The following OR6J1 variants were observed in gnomAD, a reference collection of about 807,000 sequenced individuals.
OR6J1 encodes the protein olfactory receptor family 6 subfamily J member 1.
For synonymous variants in OR6J1, 109 were observed against 70.0 expected, an observed-to-expected ratio of 1.56 and a Z score of -2.78; for missense variants, 304 against 166.8, an observed-to-expected ratio of 1.82 and a Z score of -4.53.
intron 1 of OR6J1, among the ~76,000 whole-genome samples, chr14:22,636,010 C>T (rs774412968): frequency 3.3e-5 from 5 of 152,106 alleles, no homozygotes; most frequent in Admixed American, 2.0e-4. Context: ...AAATCACAAA[C>T]AGGAAGAACA....
At chr14:22,637,836 A>G (rs1594902493) in intron 1 of OR6J1, among the ~76,000 whole-genome samples, 1 of 38,622 alleles carries the variant, frequency 2.6e-5, no homozygotes, top group Non-Finnish European at 4.7e-5. Flanking sequence ...CTGCCCGGCC[A>G]GCCGCCCCGT....
intron 1 of OR6J1, among the ~76,000 whole-genome samples, chr14:22,635,111 C>G (rs1055750010): frequency 2.0e-5 from 3 of 152,142 alleles, no homozygotes; most frequent in Non-Finnish European, 4.4e-5. Flanking sequence ...TGTCAAAAAC[C>G]TTAAAATTAA....
rs549213048 is a variant in OR6J1 at position 22,641,994 on chromosome 14, G to A, written c.-28+2104C>T. Among the ~76,000 whole-genome samples, 5 of 152,014 alleles carry A rather than the reference G, an allele frequency of 3.3e-5. No homozygotes were observed. The East Asian group carries it at 5.8e-4, about 18-fold the overall frequency. ...ATATGGATTGGACTAGGAAAAACAA[G>A]AATAATCTAGTAAAGGAAGAGGACT... On this transcript the variant is annotated intron_variant, in intron 1 of 1. Coordinates refer to ENST00000540461, the MANE Select transcript of OR6J1 (RefSeq NM_001348233.2).
chr14:22,641,349 G>A (rs1425771974), intron 1 of OR6J1, among the ~76,000 whole-genome samples: 1 of 137,192 alleles, frequency 7.3e-6, no homozygotes, highest in East Asian at 2.1e-4. Context: ...AGGGAGGGAG[G>A]GAAGAAAGAA....
At chr14:22,637,086 G>A (rs1359750095) in intron 1 of OR6J1, among the ~76,000 whole-genome samples, 1 of 120,386 alleles carries the variant, frequency 8.3e-6, no homozygotes, top group Non-Finnish European at 1.6e-5. Flanking sequence ...GATGTGAGGA[G>A]CGCCTCTGCT....
At chr14:22,639,285 C>G (rs1250553058) in intron 1 of OR6J1, among the ~76,000 whole-genome samples, 2 of 127,878 alleles carry the variant, frequency 1.6e-5, no homozygotes, top group Non-Finnish European at 3.2e-5. Flanking sequence ...AGGTGAGGGG[C>G]GCCTCTGCCC....
chr14:22,638,039 G>GC lies in OR6J1; in HGVS notation c.-27-3202dup, dbSNP rs1395192308. ...GTCCGGGAGGATGGTGGGGGGGTCA[G>GC]CCCCCCGCCTGGCCAGCCGCCCCAT... On this transcript the variant is annotated intron_variant, in intron 1 of 1. Coordinates refer to ENST00000540461, the MANE Select transcript of OR6J1 (RefSeq NM_001348233.2). 1.8e-4 allele frequency among the ~76,000 whole-genome samples: 20 copies of GC among 108,244 alleles called. 2 individuals are homozygous for GC. Among genetic ancestry groups the GC allele is most frequent in the African/African-American group, 1.1e-3 (20 of 18,852 alleles). 71.0% of individuals were successfully genotyped at this position (108,244 alleles called of 152,430 possible).
At chr14:22,638,401 A>G (rs1294771720) in intron 1 of OR6J1, among the ~76,000 whole-genome samples, 1 of 70,970 alleles carries the variant, frequency 1.4e-5, no homozygotes, top group Non-Finnish European at 2.5e-5. Flanking sequence ...CTCAGGGTTA[A>G]ATGGATTAAG....
Position 22,634,133 on chromosome 14 carries a change from T to C in OR6J1, c.679A>G (p.Ile227Val), listed in dbSNP as rs757202512. ...TTCTTCCTTCCACTTGCAGAAGGAATGCGCACTATGGTCAAGATGATGTAC... is the reference window on the plus strand; with the variant it reads ...TTCTTCCTTCCACTTGCAGAAGGAACGCGCACTATGGTCAAGATGATGTAC... ...YTYIILTIVR[I>V]PSASGRKKAF... Residue 227 changes from isoleucine (I) to valine (V), a missense_variant, in exon 2 of 2, where the codon ATT (isoleucine) becomes GTT (valine). Transcript: ENST00000540461. The C allele has an allele frequency of 1.7e-5, 12 of 703,140 alleles. No homozygotes were observed. Among genetic ancestry groups the C allele is most frequent in the Admixed American group, 1.2e-4 (6 of 50,000 alleles). The allele number at this position is 703,140 out of a possible 1,614,324, so 43.6% of individuals were successfully genotyped here.
chr14:22,640,258 CAAGGAAGG>C (rs537492759), intron 1 of OR6J1, among the ~76,000 whole-genome samples: 122 of 79,604 alleles, frequency 1.5e-3, no homozygotes, highest in African/African-American at 5.1e-3. Context: ...AGGAAGGAAG[CAAGGAAGG>C]AAGGAAGGAA....
chr14:22,639,976 A>G (rs2037630503), intron 1 of OR6J1, among the ~76,000 whole-genome samples: 1 of 114,826 alleles, frequency 8.7e-6, no homozygotes, highest in African/African-American at 2.9e-5. Flanking sequence ...CCCAAGAATT[A>G]TCAATAAAAA....
At position 22,643,758 on chromosome 14, in the gene OR6J1, C is replaced by CAGAGAGAG. The variant is rs1235103171; in HGVS notation, c.-28+339_-28+340insCTCTCTCT. ...ACACACACACACACACACACACACA[C>CAGAGAGAG]ACACACAGAGAGAGAGAGAGAGAGA... On this transcript the variant is annotated intron_variant, in intron 1 of 1. Transcript: ENST00000540461. Among the ~76,000 whole-genome samples, 237 of 60,564 alleles carry CAGAGAGAG rather than the reference C, an allele frequency of 3.9e-3. 3 individuals carry two copies. Among genetic ancestry groups the CAGAGAGAG allele is most frequent in the East Asian group, 9.4e-3 (12 of 1,280 alleles). 39.7% of individuals were successfully genotyped at this position (60,564 alleles called of 152,430 possible). A position where few individuals can be genotyped will look rare whatever the true frequency, so the allele number is the denominator to read the frequency against.
chr14:22,639,250 C>G (rs1293244008), intron 1 of OR6J1, among the ~76,000 whole-genome samples: 1 of 126,486 alleles, frequency 7.9e-6, no homozygotes, highest in Non-Finnish European at 1.6e-5. Flanking sequence ...GTCAGCCCCC[C>G]GCCAGGCCAG....
Position 22,634,791 on chromosome 14 carries a change from C to T in OR6J1, c.21G>A (p.Ala7=), listed in dbSNP as rs780526863. 4.2e-5 allele frequency: 29 copies of T among 694,288 alleles called. 1 individual carries two copies. The highest frequency in any genetic ancestry group is 3.4e-4 in the South Asian group (22 of 65,664). 43.0% of individuals were successfully genotyped at this position (694,288 alleles called of 1,614,324 possible). Residue 7 remains alanine, a synonymous_variant, in exon 2 of 2, where the codon GCG becomes GCA. Transcript: ENST00000540461. MGNWTA[A]VTEFVLLGFS... ...ACCCCAGCAGAACAAACTCAGTCACCGCTGCAGTCCAGTTACCCATGGGCC... is the reference window on the plus strand; with the variant it reads ...ACCCCAGCAGAACAAACTCAGTCACTGCTGCAGTCCAGTTACCCATGGGCC...
chr14:22,634,655 G>A lies in OR6J1; in HGVS notation c.157C>T (p.Arg53Cys), dbSNP rs774906820. 1.7e-5 allele frequency: 13 copies of A among 743,670 alleles called. No individual in the cohort carries two copies. The highest frequency in any genetic ancestry group is 1.0e-4 in the East Asian group (4 of 40,074). The allele number at this position is 743,670 out of a possible 1,614,324, so 46.1% of individuals were successfully genotyped here. ...AAGAAGTACATGGGGGTGTGGAGGCGGGAGCAGGACAGCACAGTGGAGATG... is the reference window on the plus strand; with the variant it reads ...AAGAAGTACATGGGGGTGTGGAGGCAGGAGCAGGACAGCACAGTGGAGATG... ...LIISTVLSCS[R>C]LHTPMYFFLC... The change falls in exon 2 of 2, where the codon CGC (arginine) becomes TGC (cysteine). Residue 53 changes from arginine (R) to cysteine (C), a missense_variant. By Grantham distance (180) the Arg-to-Cys change is radical (BLOSUM62 -3). Coordinates refer to ENST00000540461, the MANE Select transcript of OR6J1 (RefSeq NM_001348233.2).
Position 22,640,483 on chromosome 14 carries a change from G to GTT in OR6J1, c.-28+3614_-28+3615insAA, listed in dbSNP as rs1457341102. On this transcript the variant is annotated intron_variant, in intron 1 of 1. Transcript: ENST00000540461. ...CTTCAGCTCAACCAACAGTGAGAAT[G>GTT]TATTTTTTTTTTTTTTTTTTTTTTG... Among the ~76,000 whole-genome samples, 400 of 132,538 alleles carry GTT rather than the reference G, an allele frequency of 3.0e-3. 13 individuals carry two copies. Among genetic ancestry groups the GTT allele is most frequent in the African/African-American group, 0.01 (329 of 32,668 alleles). 87.0% of individuals were successfully genotyped at this position (132,538 alleles called of 152,430 possible).
At chr14:22,641,282 A>AAGGAAGG in intron 1 of OR6J1, among the ~76,000 whole-genome samples, 2 of 73,794 alleles carry the variant, frequency 2.7e-5, no homozygotes, top group Admixed American at 2.6e-4. Flanking sequence ...AGGAAGGAAG[A>AAGGAAGG]AAGAGAAGAA....
At chr14:22,641,744 A>G (rs2037654721) in intron 1 of OR6J1, among the ~76,000 whole-genome samples, 1 of 152,188 alleles carries the variant, frequency 6.6e-6, no homozygotes, top group African/African-American at 2.4e-5. Flanking sequence ...CTTTCAGTCT[A>G]AAAGAGATGT....
intron 1 of OR6J1, among the ~76,000 whole-genome samples, chr14:22,635,443 A>G (rs1455821756): frequency 2.0e-5 from 3 of 152,258 alleles, no homozygotes; most frequent in Non-Finnish European, 4.4e-5. Context: ...AAGTGTTTTT[A>G]AAGCAAGTTA....
Sources: gnomAD v4.1 joint callset for allele counts (sites outside exome capture counted in the v4.1 genomes callset) on GRCh38, gnomAD v4.1.1 for gene constraint, MANE v1.5 for transcripts, NCBI Gene and HGNC (gene_info 2026-07-23, HGNC 2026-07-21) for gene names.